Variants in SLC4A8 observed in about 807,000 individuals in gnomAD.
SLC4A8 encodes electroneutral sodium bicarbonate exchanger 1.
A neutral mutation model predicts 125.0 loss-of-function variants in SLC4A8; 40 were observed. The ratio of observed to expected loss-of-function variants is 0.32; its 90% CI spans 0.25 to 0.42. The LOEUF (loss-of-function observed/expected upper bound fraction) is 0.42. Ranked by LOEUF, SLC4A8 falls within the 10% of genes least tolerant of loss-of-function variation. SLC4A8 has a pLI of 1.00. For missense variants in SLC4A8, 863 were observed against 1,355.1 expected, an observed-to-expected ratio of 0.64 and a Z score of 5.70; for synonymous variants, 456 against 476.0, an observed-to-expected ratio of 0.96 and a Z score of 0.55.
chr12:51,509,796 G>T lies in SLC4A8; in HGVS notation c.*2358G>T, dbSNP rs370724290. ...GGTACTTCTCGAGCTAGACCCTCCTGGATCACTGCGCCTTAGGAATGTTAG... is the reference window on the plus strand; with the variant it reads ...GGTACTTCTCGAGCTAGACCCTCCTTGATCACTGCGCCTTAGGAATGTTAG... On this transcript the variant is annotated 3_prime_UTR_variant, in exon 25 of 25. Coordinates refer to ENST00000453097, the MANE Select transcript of SLC4A8 (RefSeq NM_001039960.3). 85 of 152,112 alleles carry T rather than the reference G, an allele frequency of 5.6e-4. No homozygotes were observed. Among genetic ancestry groups the T allele is most frequent in the African/African-American group, 1.9e-3 (80 of 41,378 alleles). 9.4% of individuals were successfully genotyped at this position (152,112 alleles called of 1,614,324 possible). A position where few individuals can be genotyped will look rare whatever the true frequency, so the allele number is the denominator to read the frequency against.
chr12:51,492,133 A>T (rs1951333974), intron 19 of SLC4A8, among the ~76,000 whole-genome samples: 1 of 152,108 alleles, frequency 6.6e-6, no homozygotes, highest in South Asian at 2.1e-4. Context: ...GGATACTTTG[A>T]ACATTAAAAA....
chr12:51,425,994 G>C (rs1948962214), intron 1 of SLC4A8, among the ~76,000 whole-genome samples: 1 of 152,148 alleles, frequency 6.6e-6, no homozygotes, highest in South Asian at 2.1e-4. Flanking sequence ...AGATGGTGTG[G>C]TTTCTGCCTT....
At chr12:51,406,071 T>G (rs542853873) in intron 1 of SLC4A8, among the ~76,000 whole-genome samples, 8 of 152,310 alleles carry the variant, frequency 5.3e-5, no homozygotes, top group African/African-American at 1.9e-4. Context: ...GGCATTTCCT[T>G]GAGAGTATCC....
At chr12:51,428,453 C>G (rs1041361222) in intron 1 of SLC4A8, among the ~76,000 whole-genome samples, 10 of 152,206 alleles carry the variant, frequency 6.6e-5, no homozygotes, top group Admixed American at 3.9e-4. Flanking sequence ...AAGGTCTAGT[C>G]AGGATTGGCA....
At chr12:51,433,861 T>G (rs376581815) in intron 1 of SLC4A8, among the ~76,000 whole-genome samples, 3,964 of 68,956 alleles carry the variant, frequency 0.057, 241 homozygotes, top group African/African-American at 0.18. Flanking sequence ...GTTTTTTTTT[T>G]TTTTTTTTTT....
chr12:51,497,492 G>A (rs1951494071), intron 22 of SLC4A8: 1 of 174,668 alleles, frequency 5.7e-6, no homozygotes, highest in African/African-American at 2.4e-5. Context: ...ATATCTAATT[G>A]CAAATGGTGC....
chr12:51,467,059 G>GAGGT (rs1372769003), intron 11 of SLC4A8, among the ~76,000 whole-genome samples: 1 of 152,112 alleles, frequency 6.6e-6, no homozygotes, highest in Non-Finnish European at 1.5e-5. Flanking sequence ...TGGTAATGAA[G>GAGGT]AGGTAATAAT....
At chr12:51,448,858 A>T (rs1316708075) in intron 2 of SLC4A8, among the ~76,000 whole-genome samples, 1 of 152,064 alleles carries the variant, frequency 6.6e-6, no homozygotes, top group Non-Finnish European at 1.5e-5. Flanking sequence ...GAGGAAAGGG[A>T]GTTAGGTTGT....
intron 1 of SLC4A8, among the ~76,000 whole-genome samples, chr12:51,392,379 C>G (rs1687293606): frequency 6.6e-6 from 1 of 151,840 alleles, no homozygotes; most frequent in Non-Finnish European, 1.5e-5. Flanking sequence ...CGAGACCAGC[C>G]TGGCCAACAT....
intron 10 of SLC4A8, 121 bp downstream of exon 10, chr12:51,462,577 C>A: frequency 1.4e-6 from 1 of 710,726 alleles, no homozygotes; most frequent in Non-Finnish European, 2.1e-6. Flanking sequence ...TTTGGTGCAC[C>A]TAGAATATCA....
At chr12:51,502,562 G>A (rs533761163) in intron 22 of SLC4A8, among the ~76,000 whole-genome samples, 2 of 151,004 alleles carry the variant, frequency 1.3e-5, no homozygotes, top group South Asian at 2.1e-4. Context: ...ATGGAGTCTC[G>A]CTCTGTCGCC....
At chr12:51,436,892 G>A (rs1226657034) in intron 1 of SLC4A8, among the ~76,000 whole-genome samples, 1 of 152,190 alleles carries the variant, frequency 6.6e-6, no homozygotes, top group African/African-American at 2.4e-5. Context: ...CTCCCAAAGT[G>A]CTGGGATTAT....
chr12:51,446,635 G>A (rs1949780290), intron 2 of SLC4A8, among the ~76,000 whole-genome samples: 1 of 152,206 alleles, frequency 6.6e-6, no homozygotes, highest in South Asian at 2.1e-4. Context: ...TCTCAGGTCA[G>A]TTAGGACTTT....
chr12:51,502,757 G>A (rs1314417649), intron 22 of SLC4A8, among the ~76,000 whole-genome samples: 1 of 148,750 alleles, frequency 6.7e-6, no homozygotes, highest in Non-Finnish European at 1.5e-5. Flanking sequence ...TGCAACCTCT[G>A]CCTCCCAGGT....
At chr12:51,402,022 C>G (rs879640242) in intron 1 of SLC4A8, among the ~76,000 whole-genome samples, 1 of 152,162 alleles carries the variant, frequency 6.6e-6, no homozygotes, top group Non-Finnish European at 1.5e-5. Context: ...CCTCCTTCAG[C>G]CTCCCAAAGT....
chr12:51,510,441 A>C lies in SLC4A8; in HGVS notation c.*3003A>C, dbSNP rs915360009. 1.3e-5 allele frequency: 2 copies of C among 152,074 alleles called. No homozygotes were observed. Among genetic ancestry groups the C allele is most frequent in the East Asian group, 1.9e-4 (1 of 5,172 alleles). 9.4% of individuals were successfully genotyped at this position (152,074 alleles called of 1,614,324 possible). The stretch of plus-strand genomic sequence containing the variant: ...TCCATTTCAAAAAAAAAAAAAAAAA[A>C]AAACTTCCCAATAGGAGGTATTCCT... On this transcript the variant is annotated 3_prime_UTR_variant, in exon 25 of 25. Coordinates refer to ENST00000453097, the MANE Select transcript of SLC4A8 (RefSeq NM_001039960.3).
At chr12:51,427,228 G>A (rs1001822746) in intron 1 of SLC4A8, among the ~76,000 whole-genome samples, 2 of 152,092 alleles carry the variant, frequency 1.3e-5, no homozygotes, top group Non-Finnish European at 1.5e-5. Flanking sequence ...GTGAGCCACC[G>A]TGCCCGGCCC....
intron 1 of SLC4A8, among the ~76,000 whole-genome samples, chr12:51,432,878 C>A (rs1319889178): frequency 6.6e-6 from 1 of 152,080 alleles, no homozygotes; most frequent in Non-Finnish European, 1.5e-5. Flanking sequence ...AATGTATGTA[C>A]TCTCTGAAAA....
intron 19 of SLC4A8, among the ~76,000 whole-genome samples, chr12:51,492,030 C>T (rs1023565209): frequency 2.0e-5 from 3 of 151,862 alleles, no homozygotes; most frequent in Admixed American, 6.6e-5. Context: ...GGTTTTTCTG[C>T]GAAGCAAGAT....
Sources: gnomAD v4.1 joint callset for allele counts (sites outside exome capture counted in the v4.1 genomes callset) on GRCh38, gnomAD v4.1.1 for gene constraint, MANE v1.5 for transcripts, NCBI Gene and HGNC (gene_info 2026-07-23, HGNC 2026-07-21) for gene names.